Variants in WDFY3 observed in about 807,000 individuals in gnomAD.
The protein encoded by WDFY3 is WD repeat and FYVE domain containing 3.
Under a neutral mutation model 409.6 loss-of-function variants are expected in WDFY3, and 66 were observed. The observed-to-expected ratio is 0.16, with a 90% CI of 0.13 to 0.20. The LOEUF is 0.20. Among genes scored for constraint, WDFY3 ranks in the 10% least tolerant of loss-of-function variants. The pLI, the probability that WDFY3 is intolerant of heterozygous loss-of-function variation, is 1.00. For synonymous variants in WDFY3, 1,521 were observed against 1,537.1 expected, an observed-to-expected ratio of 0.99 and a Z score of 0.25; for missense variants, 3,031 against 4,298.1, an observed-to-expected ratio of 0.71 and a Z score of 8.24.
chr4:84,758,967 A>C (rs1741970775), intron 32 of WDFY3, among the ~76,000 whole-genome samples: 1 of 152,090 alleles, frequency 6.6e-6, no homozygotes, highest in Non-Finnish European at 1.5e-5. Context: ...ATCCATCTTG[A>C]ATTGATTTTT....
intron 5 of WDFY3, among the ~76,000 whole-genome samples, chr4:84,845,989 ATAAAAT>A (rs1758032564): frequency 6.6e-6 from 1 of 152,212 alleles, no homozygotes; most frequent in South Asian, 2.1e-4. Context: ...ACAACAGACA[ATAAAAT>A]TAAATAAGTA....
intron 7 of WDFY3, among the ~76,000 whole-genome samples, chr4:84,833,635 C>T (rs1435731288): frequency 6.8e-6 from 1 of 147,980 alleles, no homozygotes; most frequent in Non-Finnish European, 1.5e-5. Flanking sequence ...GTCTAGATGA[C>T]AGAGTGAGAC....
chr4:84,868,956 A>G (rs1761807727), intron 3 of WDFY3, among the ~76,000 whole-genome samples: 2 of 152,354 alleles, frequency 1.3e-5, no homozygotes. Flanking sequence ...ATTTTGTATA[A>G]AAGATTTGCA....
intron 62 of WDFY3, among the ~76,000 whole-genome samples, chr4:84,687,087 C>T (rs1231795674): frequency 6.6e-6 from 1 of 152,136 alleles, no homozygotes; most frequent in Non-Finnish European, 1.5e-5. Context: ...AAATGTCACC[C>T]TTTTTACTTT....
At chr4:84,778,766 C>T (rs1044946284) in intron 26 of WDFY3, 111 bp from the exon 27 acceptor site, 5 of 949,020 alleles carry the variant, frequency 5.3e-6, no homozygotes, top group African/African-American at 5.1e-5. Flanking sequence ...CACAAACACA[C>T]ACATACACAC....
intron 3 of WDFY3, among the ~76,000 whole-genome samples, chr4:84,871,640 CTT>C (rs1174341863): frequency 6.8e-6 from 1 of 147,710 alleles, no homozygotes; most frequent in Non-Finnish European, 1.5e-5. Context: ...TTTTTTTTTT[CTT>C]TTTTCTTTTT....
intron 46 of WDFY3, among the ~76,000 whole-genome samples, chr4:84,722,815 T>C (rs187140499): frequency 1.3e-5 from 2 of 152,342 alleles, no homozygotes; most frequent in East Asian, 1.9e-4. Context: ...GTCTTATCCT[T>C]TGAATATTAC....
chr4:84,751,315 G>A (rs1578361342), intron 36 of WDFY3, 168 bp downstream of exon 36: 9 of 663,656 alleles, frequency 1.4e-5, no homozygotes, highest in Non-Finnish European at 1.3e-5. Context: ...CAAACTGATA[G>A]GGTTTAAAGC....
At position 84,730,953 on chromosome 4, in the gene WDFY3, A is replaced by G. The variant is rs367585451; in HGVS notation, c.7221+2429T>C. Among the ~76,000 whole-genome samples, 3 of 152,160 alleles carry G rather than the reference A, an allele frequency of 2.0e-5. No homozygotes were observed. In the East Asian group the frequency reaches 5.8e-4, roughly 29 times the overall value. On this transcript the variant is annotated intron_variant, in intron 44 of 67. Transcript: ENST00000295888. ...GCTGGGATTACAGGCATGCGCCACC[A>G]CACTTGGCTAATTTTCTATTTTTAG...
In WDFY3 at chr4:84,718,492, A is replaced by C. The variant is rs1560592333; in HGVS notation, c.7684T>G (p.Phe2562Val). 4 of 1,614,082 alleles carry C rather than the reference A, an allele frequency of 2.5e-6. No homozygotes were observed. The highest frequency in any genetic ancestry group is 1.7e-5 in the Admixed American group (1 of 60,014). Residue 2562 changes from phenylalanine (F) to valine (V), a missense_variant, in exon 48 of 68, where the codon TTT becomes GTT. Physicochemically the swap from Phe to Val is conservative, Grantham distance 50 (BLOSUM62 -1). Coordinates refer to ENST00000295888, the MANE Select transcript of WDFY3 (RefSeq NM_014991.6). ...ATGGTAAATCCATCAATCACATAAAAATGCTCTTTACCAAAAAGAAGGAGC... is the reference window on the plus strand; with the variant it reads ...ATGGTAAATCCATCAATCACATAAACATGCTCTTTACCAAAAAGAAGGAGC... ...EGLLLFGKEH[F>V]YVIDGFTMTA...
intron 2 of WDFY3, among the ~76,000 whole-genome samples, chr4:84,917,892 G>C (rs1191780699): frequency 6.6e-6 from 1 of 152,056 alleles, no homozygotes; most frequent in African/African-American, 2.4e-5. Context: ...AGAGAAAAAT[G>C]AAAGAAGATA....
intron 5 of WDFY3, chr4:84,844,568 C>T: frequency 7.9e-7 from 1 of 1,262,366 alleles, no homozygotes; most frequent in South Asian, 1.2e-5. Flanking sequence ...CCACTAATCC[C>T]ACCACAAGAG....
intron 49 of WDFY3, among the ~76,000 whole-genome samples, chr4:84,716,308 A>G (rs537260951): frequency 8.6e-4 from 130 of 150,732 alleles, no homozygotes; most frequent in African/African-American, 2.8e-3. Context: ...GCGTGGTGGC[A>G]GGCGCCTCTA....
chr4:84,789,773 T>G lies in WDFY3; in HGVS notation c.3622A>C (p.Ser1208Arg), dbSNP rs749177351. ...LVMSKGMLKN[S>R]TAALYIDGQL... ...CCATCAATATAAAGGGCTGCAGTACTGTTTTTCAACATGCCTTTGCTCATT... is the reference window on the plus strand; with the variant it reads ...CCATCAATATAAAGGGCTGCAGTACGGTTTTTCAACATGCCTTTGCTCATT... The change falls in exon 22 of 68, where the codon AGT (serine) becomes CGT (arginine). Residue 1208 changes from serine to arginine, a missense_variant. Coordinates refer to ENST00000295888, the MANE Select transcript of WDFY3 (RefSeq NM_014991.6). 2 of 1,614,000 alleles carry G rather than the reference T, an allele frequency of 1.2e-6. No individual in the cohort carries two copies. The highest frequency in any genetic ancestry group is 2.7e-5 in the African/African-American group (2 of 74,900).
intron 58 of WDFY3, among the ~76,000 whole-genome samples, chr4:84,694,809 T>A (rs928095393): frequency 1.1e-4 from 16 of 152,092 alleles, no homozygotes; most frequent in Admixed American, 3.3e-4. Context: ...ATGTTTCTTT[T>A]ATTAGGGGAT....
chr4:84,879,165 C>T (rs1763165602), intron 3 of WDFY3, among the ~76,000 whole-genome samples: 2 of 152,188 alleles, frequency 1.3e-5, no homozygotes, highest in Non-Finnish European at 2.9e-5. Flanking sequence ...TAGCCCTCCC[C>T]TCATCCCATG....
Position 84,691,894 on chromosome 4 carries a change from C to A in WDFY3, c.9050-109G>T, listed in dbSNP as rs1455852635. On this transcript the variant is annotated intron_variant, in intron 59 of 67. Coordinates refer to ENST00000295888, the MANE Select transcript of WDFY3 (RefSeq NM_014991.6). ...TCATATAAATCAAGCATCCTGATAC[C>A]TACGTTGAGAAAAAATGATCTCTGA... The A allele has an allele frequency of 1.2e-5, 13 of 1,075,320 alleles. No homozygotes were observed. The African/African-American group carries it at 1.9e-4, about 16-fold the overall frequency. 66.6% of individuals were successfully genotyped at this position (1,075,320 alleles called of 1,614,324 possible).
chr4:84,952,549 T>C (rs1464619618), intron 1 of WDFY3, among the ~76,000 whole-genome samples: 1 of 152,194 alleles, frequency 6.6e-6, no homozygotes, highest in African/African-American at 2.4e-5. Flanking sequence ...CCTCTCATCA[T>C]GTTGCCATTC....
rs115076503 is a variant in WDFY3, at chr4:84,672,686, C to T, written c.*182G>A. On this transcript the variant is annotated 3_prime_UTR_variant, in exon 68 of 68. Transcript: ENST00000295888. The stretch of plus-strand genomic sequence containing the variant: ...CTTCTTGTGCTGTTCACCTGAATCG[C>T]GTCTGCCCCATTCCTGTACTCTACA... 223 of 747,320 alleles carry T rather than the reference C, an allele frequency of 3.0e-4. No individual in the cohort carries two copies. In the African/African-American group the frequency reaches 3.1e-3, roughly 10 times the overall value. The allele number at this position is 747,320 out of a possible 1,614,324, so 46.3% of individuals were successfully genotyped here. A position where few individuals can be genotyped will look rare whatever the true frequency, so the allele number is the denominator to read the frequency against.
Sources: allele counts gnomAD v4.1 joint callset (sites outside exome capture counted in the v4.1 genomes callset), GRCh38; gene constraint gnomAD v4.1.1; transcripts MANE v1.5; gene names NCBI Gene and HGNC (gene_info 2026-07-23, HGNC 2026-07-21).